Variants in CLCN3 observed in about 807,000 individuals in gnomAD.
CLCN3 encodes H(+)/Cl(-) exchange transporter 3.
Under a neutral mutation model 83.4 loss-of-function variants are expected in CLCN3, and 16 were observed. The ratio of observed to expected loss-of-function variants is 0.19; its 90% confidence interval spans 0.13 to 0.29. The LOEUF (loss-of-function observed/expected upper bound fraction) is 0.29, where lower values mean the gene tolerates loss of function less well. CLCN3 is among the 10% of genes least tolerant of loss of function. The pLI, the probability that CLCN3 is intolerant of heterozygous loss-of-function variation, is 1.00. For missense variants in CLCN3, 544 were observed against 1,006.0 expected (o/e 0.54, Z 6.21); for synonymous variants, 322 against 346.2 (o/e 0.93, Z 0.78).
chr4:169,683,149 A>G (rs1257224316), intron 3 of CLCN3, among the ~76,000 whole-genome samples: 1 of 152,202 alleles, frequency 6.6e-6, no homozygotes, highest in Non-Finnish European at 1.5e-5. Context: ...TGTGGTACCT[A>G]GAGAGTATCC....
At chr4:169,644,599 A>G (rs1581200763) in intron 2 of CLCN3, among the ~76,000 whole-genome samples, 1 of 152,208 alleles carries the variant, frequency 6.6e-6, no homozygotes, top group Non-Finnish European at 1.5e-5. Flanking sequence ...CTAGATATCA[A>G]GCTGTCTTCC....
chr4:169,636,417 G>C (rs1464581031), intron 2 of CLCN3, among the ~76,000 whole-genome samples: 1 of 152,124 alleles, frequency 6.6e-6, no homozygotes, highest in Admixed American at 6.5e-5. Flanking sequence ...TTCCTACAAA[G>C]TGAACATTTA....
chr4:169,630,909 G>A (rs1581185998), intron 1 of CLCN3, among the ~76,000 whole-genome samples: 1 of 152,220 alleles, frequency 6.6e-6, no homozygotes, highest in East Asian at 1.9e-4. Flanking sequence ...GGGTAGTGCT[G>A]TGATGAACAT....
At chr4:169,688,413 A>T (rs34703692) in intron 4 of CLCN3, among the ~76,000 whole-genome samples, 4,312 of 152,318 alleles carry the variant, frequency 0.028, 109 homozygotes, top group African/African-American at 0.073. Context: ...TCCATGATGG[A>T]AGATTATGTT....
intron 2 of CLCN3, among the ~76,000 whole-genome samples, chr4:169,658,107 A>G (rs1252555109): frequency 6.6e-6 from 1 of 152,110 alleles, no homozygotes; most frequent in African/African-American, 2.4e-5. Flanking sequence ...ATATTTGTTT[A>G]AACAGTGTGG....
intron 2 of CLCN3, among the ~76,000 whole-genome samples, chr4:169,672,505 C>T (rs1331481223): frequency 6.6e-6 from 1 of 151,986 alleles, no homozygotes; most frequent in East Asian, 1.9e-4. Context: ...TTAATTTATG[C>T]TGTGACGGTA....
At chr4:169,622,781 C>T (rs1378643264) in intron 1 of CLCN3, among the ~76,000 whole-genome samples, 1 of 152,090 alleles carries the variant, frequency 6.6e-6, no homozygotes, top group East Asian at 1.9e-4. Context: ...AGTTCCTGCT[C>T]TCTGCTGCAC....
chr4:169,655,900 T>C (rs192316957), intron 2 of CLCN3, among the ~76,000 whole-genome samples: 1 of 152,330 alleles, frequency 6.6e-6, no homozygotes, highest in African/African-American at 2.4e-5. Context: ...AACTAAAACT[T>C]CTTATGTTTA....
chr4:169,634,118 AT>A (rs1355356854), intron 1 of CLCN3, among the ~76,000 whole-genome samples: 1 of 152,210 alleles, frequency 6.6e-6, no homozygotes, highest in African/African-American at 2.4e-5. Context: ...TTTAACGGAA[AT>A]AGTTAAATTT....
At chr4:169,673,990 G>C (rs1455157507) in intron 2 of CLCN3, among the ~76,000 whole-genome samples, 1 of 152,100 alleles carries the variant, frequency 6.6e-6, no homozygotes, top group African/African-American at 2.4e-5. Flanking sequence ...TATAGCTACC[G>C]TACACTTCTA....
At chr4:169,659,672 A>G (rs1382408069) in intron 2 of CLCN3, among the ~76,000 whole-genome samples, 1 of 152,146 alleles carries the variant, frequency 6.6e-6, no homozygotes, top group African/African-American at 2.4e-5. Flanking sequence ...TCAACTCTTC[A>G]GTTATTCGGT....
At chr4:169,670,291 G>A (rs931689250) in intron 2 of CLCN3, among the ~76,000 whole-genome samples, 17 of 152,270 alleles carry the variant, frequency 1.1e-4, no homozygotes, top group Non-Finnish European at 2.1e-4. Context: ...TTTGTATAAG[G>A]TGTAAGGAAG....
At chr4:169,630,837 A>G (rs1773351017) in intron 1 of CLCN3, among the ~76,000 whole-genome samples, 1 of 151,772 alleles carries the variant, frequency 6.6e-6, no homozygotes, top group Non-Finnish European at 1.5e-5. Context: ...CCTGTACCAT[A>G]TTTTCTTTAT....
At chr4:169,625,598 A>G (rs916558928) in intron 1 of CLCN3, among the ~76,000 whole-genome samples, 1 of 152,190 alleles carries the variant, frequency 6.6e-6, no homozygotes, top group South Asian at 2.1e-4. Context: ...ATATAATCCT[A>G]AAGTTGGAAA....
At chr4:169,669,977 T>C (rs887616166) in intron 2 of CLCN3, among the ~76,000 whole-genome samples, 4 of 152,228 alleles carry the variant, frequency 2.6e-5, no homozygotes, top group African/African-American at 9.6e-5. Flanking sequence ...TTGTTTGTTT[T>C]TTTCTTGTAC....
chr4:169,641,134 A>G lies in CLCN3; in HGVS notation c.160+5046A>G, dbSNP rs373105159. 2.6e-5 allele frequency among the ~76,000 whole-genome samples: 4 copies of G among 152,298 alleles called. 1 individual carries two copies. Among genetic ancestry groups the G allele is most frequent in the African/African-American group, 9.6e-5 (4 of 41,566 alleles). Reference sequence around the variant, plus strand: ...ACAGCCTTGGAAGCTGGGTGCCTGTAGTCCCAGCTGCTTGGGAGGCTGAGG... The same window carrying G: ...ACAGCCTTGGAAGCTGGGTGCCTGTGGTCCCAGCTGCTTGGGAGGCTGAGG... On this transcript the variant is annotated intron_variant, in intron 2 of 12. Coordinates refer to ENST00000513761, the MANE Select transcript of CLCN3 (RefSeq NM_001829.4).
At position 169,620,966 on chromosome 4, in the gene CLCN3, G is replaced by T. The variant is rs1773097171; in HGVS notation, c.-114G>T. ...GCTGTGTCAGGCTTTCTTCGGTGGA[G>T]CTCCGAGGGTAGCTAGGTTCTAGGT... is the stretch of plus-strand genomic sequence containing the variant. On this transcript the variant is annotated 5_prime_UTR_variant, in exon 1 of 13. Coordinates refer to ENST00000513761, the MANE Select transcript of CLCN3 (RefSeq NM_001829.4). The T allele has an allele frequency of 2.5e-6, 1 of 398,510 alleles. No individual in the cohort carries two copies. Among genetic ancestry groups the T allele is most frequent in the East Asian group, 3.6e-5 (1 of 28,076 alleles). The allele number at this position is 398,510 out of a possible 1,614,324, so 24.7% of individuals were successfully genotyped here.
chr4:169,667,547 C>T (rs554015469), intron 2 of CLCN3, among the ~76,000 whole-genome samples: 39 of 152,068 alleles, frequency 2.6e-4, no homozygotes, highest in African/African-American at 7.5e-4. Flanking sequence ...TTTAGTTCAT[C>T]GATTGGATAA....
At chr4:169,630,799 G>C (rs1280636150) in intron 1 of CLCN3, among the ~76,000 whole-genome samples, 1 of 152,142 alleles carries the variant, frequency 6.6e-6, no homozygotes, top group Non-Finnish European at 1.5e-5. Context: ...AAAGTGCTGG[G>C]ATTACAGGCG....
Sources: allele counts gnomAD v4.1 joint callset (sites outside exome capture counted in the v4.1 genomes callset), GRCh38; gene constraint gnomAD v4.1.1; transcripts MANE v1.5; gene names NCBI Gene and HGNC (gene_info 2026-07-23, HGNC 2026-07-21).